The following CDC42BPA variants were observed in gnomAD, a reference collection of about 807,000 sequenced individuals.
The protein encoded by CDC42BPA is serine/threonine-protein kinase MRCK alpha.
Under a neutral mutation model 223.5 loss-of-function variants are expected in CDC42BPA, and 80 were observed. That is an observed-to-expected ratio of 0.36 (90% CI 0.30 to 0.43). CDC42BPA has a LOEUF of 0.43. Among genes scored for constraint, CDC42BPA ranks in the 20% least tolerant of loss-of-function variants. The pLI, the probability that CDC42BPA is intolerant of heterozygous loss-of-function variation, is 1.00. For synonymous variants in CDC42BPA, 694 were observed against 718.6 expected, an observed-to-expected ratio of 0.97 and a Z score of 0.55; for missense variants, 1,743 against 2,099.9, an observed-to-expected ratio of 0.83 and a Z score of 3.32.
intron 5 of CDC42BPA, among the ~76,000 whole-genome samples, chr1:227,162,864 A>ATGTGTGTGTGTGTG (rs1261183207): frequency 2.0e-3 from 53 of 26,172 alleles, no homozygotes; most frequent in East Asian, 4.6e-3. Context: ...TAAAATAAAT[A>ATGTGTGTGTGTGTG]TATATGTGTG....
At chr1:227,208,361 T>C (rs911015531) in intron 3 of CDC42BPA, among the ~76,000 whole-genome samples, 7 of 138,420 alleles carry the variant, frequency 5.1e-5, no homozygotes, top group African/African-American at 7.9e-5. Context: ...TTAGTTTAAT[T>C]AGATCCCATT....
intron 5 of CDC42BPA, among the ~76,000 whole-genome samples, chr1:227,176,028 C>A (rs1572149384): frequency 6.6e-6 from 1 of 152,174 alleles, no homozygotes; most frequent in African/African-American, 2.4e-5. Flanking sequence ...TCTTGGCTCA[C>A]TGCAACCTCC....
At chr1:227,085,604 AAAC>A (rs143948695) in intron 16 of CDC42BPA, among the ~76,000 whole-genome samples, 2,702 of 152,294 alleles carry the variant, frequency 0.018, 83 homozygotes, top group African/African-American at 0.061. Flanking sequence ...CCCTCTGGCA[AAAC>A]AACAACAACA....
intron 21 of CDC42BPA, chr1:227,069,261 C>A (rs552816141): frequency 6.6e-6 from 1 of 152,004 alleles, no homozygotes; most frequent in African/African-American, 2.4e-5. Flanking sequence ...TAAATACCAA[C>A]GAATGATCAA....
chr1:227,003,471 G>C (rs1327529806), intron 35 of CDC42BPA, among the ~76,000 whole-genome samples: 3 of 152,198 alleles, frequency 2.0e-5, no homozygotes, highest in Non-Finnish European at 4.4e-5. Context: ...CCCAAGTGAA[G>C]CTACAATGAT....
At chr1:227,114,455 GAA>G (rs34688481) in intron 12 of CDC42BPA, among the ~76,000 whole-genome samples, 10 of 133,546 alleles carry the variant, frequency 7.5e-5, no homozygotes, top group African/African-American at 1.1e-4. Flanking sequence ...TTTATTTCAG[GAA>G]AAAAAAAAAA....
chr1:227,086,038 T>C (rs1420768566), intron 16 of CDC42BPA, among the ~76,000 whole-genome samples: 1 of 152,210 alleles, frequency 6.6e-6, no homozygotes, highest in Admixed American at 6.5e-5. Context: ...TGCTTTCTGT[T>C]TCTGTAGAAA....
chr1:227,260,931 A>G (rs1474361383), intron 1 of CDC42BPA, among the ~76,000 whole-genome samples: 2 of 151,000 alleles, frequency 1.3e-5, no homozygotes, highest in African/African-American at 5.0e-5. Flanking sequence ...CAATTATGCC[A>G]GGCTCTGTGT....
At chr1:227,171,966 TA>T (rs968010650) in intron 5 of CDC42BPA, among the ~76,000 whole-genome samples, 2 of 152,210 alleles carry the variant, frequency 1.3e-5, no homozygotes, top group Non-Finnish European at 2.9e-5. Flanking sequence ...GGTTCCTTTT[TA>T]TCATTTATAT....
At chr1:227,088,374 A>G (rs765425576) in intron 16 of CDC42BPA, among the ~76,000 whole-genome samples, 7 of 152,226 alleles carry the variant, frequency 4.6e-5, no homozygotes, top group Non-Finnish European at 7.3e-5. Flanking sequence ...CATTTGACTT[A>G]TAAGAAGACT....
intron 24 of CDC42BPA, among the ~76,000 whole-genome samples, chr1:227,038,982 T>G (rs1322012331): frequency 1.3e-5 from 2 of 152,182 alleles, no homozygotes; most frequent in African/African-American, 4.8e-5. Context: ...AGCCAAAGCT[T>G]TAGCAGAAAA....
Position 227,317,660 on chromosome 1 carries a change from G to GA in CDC42BPA, c.-479dup, listed in dbSNP as rs34452846. 51,678 of 398,298 alleles carry GA rather than the reference G, an allele frequency of 0.13. 3,856 individuals are homozygous for GA. Among genetic ancestry groups the GA allele is most frequent in the South Asian group, 0.2 (1,597 of 7,836 alleles). The allele number at this position is 398,298 out of a possible 1,614,324, so 24.7% of individuals were successfully genotyped here. ...GGAAGAAGAAAAACAGAAAAGGGAG[G>GA]AAAAAAACAGAATGCATAGAAGGGG... On this transcript the variant is annotated 5_prime_UTR_variant, in exon 1 of 37. An upstream open reading frame in the 5' UTR loses its in-frame stop. Transcript: ENST00000366766.
At chr1:227,035,291 T>C (rs1190025668) in intron 25 of CDC42BPA, among the ~76,000 whole-genome samples, 180 bp downstream of exon 25, 1 of 152,216 alleles carries the variant, frequency 6.6e-6, no homozygotes, top group Non-Finnish European at 1.5e-5. Flanking sequence ...TATAACTTAT[T>C]TCCATGTAAA....
chr1:227,133,964 A>AAAAAAATGAAT lies in CDC42BPA; in HGVS notation c.1391-4734_1391-4733insATTCATTTTTT, dbSNP rs1553355373. On this transcript the variant is annotated intron_variant, in intron 10 of 36. Coordinates refer to ENST00000366766, the MANE Select transcript of CDC42BPA (RefSeq NM_001394014.1). ...GAAACACCCAAGAATGATCAATAAA[A>AAAAAAATGAAT]AAATAAATGAATAAATAAATAAATA... 2.6e-4 allele frequency among the ~76,000 whole-genome samples: 10 copies of AAAAAAATGAAT among 38,858 alleles called. 1 individual carries two copies. The South Asian group carries it at 7.3e-3, about 28-fold the overall frequency. 25.5% of individuals were successfully genotyped at this position (38,858 alleles called of 152,430 possible). A position where few individuals can be genotyped will look rare whatever the true frequency, so the allele number is the denominator to read the frequency against.
intron 16 of CDC42BPA, among the ~76,000 whole-genome samples, chr1:227,085,048 T>G (rs1427951776): frequency 6.6e-6 from 1 of 152,170 alleles, no homozygotes; most frequent in African/African-American, 2.4e-5. Flanking sequence ...CTTGCCAAGC[T>G]TTGGGACTGG....
intron 12 of CDC42BPA, among the ~76,000 whole-genome samples, chr1:227,118,885 G>T (rs1233937122): frequency 1.3e-5 from 2 of 152,064 alleles, no homozygotes; most frequent in Non-Finnish European, 2.9e-5. Context: ...TCATTAAGCA[G>T]AAAGTAAAAA....
intron 5 of CDC42BPA, among the ~76,000 whole-genome samples, chr1:227,184,915 T>A (rs1668510425): frequency 6.6e-6 from 1 of 152,216 alleles, no homozygotes; most frequent in African/African-American, 2.4e-5. Context: ...GCTCTACTAA[T>A]ACCATTTTTC....
intron 23 of CDC42BPA, among the ~76,000 whole-genome samples, chr1:227,047,666 C>G (rs889758242): frequency 2.6e-5 from 4 of 152,160 alleles, no homozygotes; most frequent in African/African-American, 4.8e-5. Context: ...TAATGCCTTA[C>G]TGAGGCATAT....
At chr1:227,144,136 T>G (rs1013872505) in intron 8 of CDC42BPA, among the ~76,000 whole-genome samples, 6 of 152,172 alleles carry the variant, frequency 3.9e-5, no homozygotes, top group African/African-American at 9.7e-5. Context: ...CAGTGAAAAG[T>G]TATATAACGT....
Sources: gnomAD v4.1 joint callset for allele counts (sites outside exome capture counted in the v4.1 genomes callset) on GRCh38, gnomAD v4.1.1 for gene constraint, MANE v1.5 for transcripts, NCBI Gene and HGNC (gene_info 2026-07-23, HGNC 2026-07-21) for gene names.